ELMO1: variants seen among roughly 807,000 people sequenced by gnomAD.
The protein encoded by ELMO1 is engulfment and cell motility protein 1.
A neutral mutation model predicts 98.9 loss-of-function variants in ELMO1; 26 were observed. The observed-to-expected ratio is 0.26, with a 90% CI of 0.19 to 0.36. The LOEUF (loss-of-function observed/expected upper bound fraction) is 0.36. Ranked by LOEUF, ELMO1 falls within the 10% of genes least tolerant of loss-of-function variation. The pLI, the probability that ELMO1 is intolerant of heterozygous loss-of-function variation, is 1.00. For synonymous variants in ELMO1, 346 were observed against 346.0 expected (o/e 1.00, Z 0.00); for missense variants, 627 against 935.2 (o/e 0.67, Z 4.30).
At chr7:37,317,442 G>A (rs1651489954) in intron 2 of ELMO1, among the ~76,000 whole-genome samples, 1 of 152,186 alleles carries the variant, frequency 6.6e-6, no homozygotes, top group Non-Finnish European at 1.5e-5. Flanking sequence ...ATCAACAGAT[G>A]AATGGATAAA....
At chr7:37,284,095 G>A (rs1295260145) in intron 4 of ELMO1, among the ~76,000 whole-genome samples, 1 of 152,088 alleles carries the variant, frequency 6.6e-6, no homozygotes, top group Non-Finnish European at 1.5e-5. Flanking sequence ...GAGGAGTTAG[G>A]GAGATGGAGC....
chr7:36,952,964 CTTTTT>C (rs70980904), intron 16 of ELMO1, among the ~76,000 whole-genome samples: 5 of 82,880 alleles, frequency 6.0e-5, no homozygotes, highest in East Asian at 3.3e-4. Flanking sequence ...AGTCACTACT[CTTTTT>C]TTTTTTTTTT....
At chr7:37,240,045 T>C (rs1794678524) in intron 7 of ELMO1, among the ~76,000 whole-genome samples, 1 of 60,384 alleles carries the variant, frequency 1.7e-5, no homozygotes, top group Non-Finnish European at 3.3e-5. Context: ...TTTTTTTTTC[T>C]TTTTTTTTTT....
At chr7:37,344,030 A>G (rs1176851489) in intron 1 of ELMO1, among the ~76,000 whole-genome samples, 11 of 95,782 alleles carry the variant, frequency 1.1e-4, no homozygotes, top group Non-Finnish European at 1.8e-4. Flanking sequence ...TATAAAAGGC[A>G]GCATTTTTTT....
At chr7:37,004,658 G>A (rs1206302993) in intron 16 of ELMO1, among the ~76,000 whole-genome samples, 5 of 152,106 alleles carry the variant, frequency 3.3e-5, no homozygotes, top group African/African-American at 1.2e-4. Context: ...CTACTGTCAG[G>A]CTTATTCAAA....
chr7:37,142,292 G>T (rs1787692751), intron 13 of ELMO1, among the ~76,000 whole-genome samples: 1 of 152,220 alleles, frequency 6.6e-6, no homozygotes, highest in African/African-American at 2.4e-5. Context: ...CACACAAATT[G>T]ATTATTTTCA....
intron 13 of ELMO1, among the ~76,000 whole-genome samples, chr7:37,148,903 T>C (rs879149236): frequency 6.6e-6 from 1 of 152,202 alleles, no homozygotes; most frequent in Non-Finnish European, 1.5e-5. Context: ...CTGTCTCCCT[T>C]TTTCATTCAT....
chr7:37,370,179 T>C (rs1380944852), intron 1 of ELMO1, among the ~76,000 whole-genome samples: 1 of 152,184 alleles, frequency 6.6e-6, no homozygotes, highest in East Asian at 1.9e-4. Context: ...ATAAGACCTT[T>C]GTTCACAATG....
chr7:37,135,698 C>T (rs1787223887), intron 13 of ELMO1, among the ~76,000 whole-genome samples: 1 of 152,198 alleles, frequency 6.6e-6, no homozygotes, highest in African/African-American at 2.4e-5. Context: ...ATCAAGGGAG[C>T]ACCCTGTAAG....
At chr7:36,944,585 T>G (rs1299023383) in intron 16 of ELMO1, among the ~76,000 whole-genome samples, 1 of 152,184 alleles carries the variant, frequency 6.6e-6, no homozygotes, top group Non-Finnish European at 1.5e-5. Context: ...AGCTGTAATT[T>G]TACTCATGAA....
intron 7 of ELMO1, among the ~76,000 whole-genome samples, chr7:37,243,436 TCTA>T (rs1794851598): frequency 6.6e-6 from 1 of 152,200 alleles, no homozygotes; most frequent in Non-Finnish European, 1.5e-5. Context: ...AAAAGTGGCT[TCTA>T]CTGTCATTAC....
intron 4 of ELMO1, among the ~76,000 whole-genome samples, chr7:37,303,654 T>C (rs1798460580): frequency 6.6e-6 from 1 of 152,232 alleles, no homozygotes; most frequent in South Asian, 2.1e-4. Flanking sequence ...AGGGTCATTT[T>C]TGGTAAAGAA....
At chr7:37,014,429 T>TA (rs1229286200) in intron 15 of ELMO1, among the ~76,000 whole-genome samples, 11 of 151,970 alleles carry the variant, frequency 7.2e-5, no homozygotes, top group South Asian at 2.1e-4. Flanking sequence ...TCTCTTTTTT[T>TA]AAAAAAAATA....
At chr7:37,423,980 TG>T (rs938984320) in intron 1 of ELMO1, among the ~76,000 whole-genome samples, 1 of 152,158 alleles carries the variant, frequency 6.6e-6, no homozygotes, top group African/African-American at 2.4e-5. Flanking sequence ...GGGGCTACGC[TG>T]GGTGGTCATC....
intron 16 of ELMO1, among the ~76,000 whole-genome samples, chr7:36,917,662 T>C (rs1434620230): frequency 6.6e-6 from 1 of 152,234 alleles, no homozygotes; most frequent in Non-Finnish European, 1.5e-5. Flanking sequence ...ATGGGAACTC[T>C]GATTTGTTTC....
intron 16 of ELMO1, among the ~76,000 whole-genome samples, chr7:36,998,569 C>A (rs1441618719): frequency 1.3e-5 from 2 of 151,862 alleles, no homozygotes; most frequent in African/African-American, 2.4e-5. Flanking sequence ...ATATCTATAT[C>A]TATCTTGCAT....
At chr7:36,961,727 C>A (rs561964829) in intron 16 of ELMO1, among the ~76,000 whole-genome samples, 14 of 152,004 alleles carry the variant, frequency 9.2e-5, no homozygotes, top group Non-Finnish European at 1.5e-5. Flanking sequence ...TCATAAAGAA[C>A]CTAAAATTTA....
chr7:36,909,731 G>C (rs17170775), intron 16 of ELMO1, among the ~76,000 whole-genome samples: 17,503 of 152,218 alleles, frequency 0.11, 1,253 homozygotes, highest in South Asian at 0.22. Context: ...CATTGTAAGA[G>C]TGACTTTTCC....
intron 16 of ELMO1, among the ~76,000 whole-genome samples, chr7:37,010,529 G>A (rs2129170658): frequency 6.6e-6 from 1 of 152,336 alleles, no homozygotes; most frequent in South Asian, 2.1e-4. Context: ...TGGCATCTGA[G>A]AAGGACTCAA....
Sources: gnomAD v4.1 joint callset for allele counts (sites outside exome capture counted in the v4.1 genomes callset) on GRCh38, gnomAD v4.1.1 for gene constraint, MANE v1.5 for transcripts, NCBI Gene and HGNC (gene_info 2026-07-23, HGNC 2026-07-21) for gene names.